The following SAV1 variants were observed in gnomAD, a reference collection of about 807,000 sequenced individuals.
The protein encoded by SAV1 is salvador family WW domain containing protein 1, also known as protein salvador homolog 1.
SAV1 carries 23 observed loss-of-function variants against 47.3 expected under a neutral mutation model. That is an observed-to-expected ratio of 0.49 (90% CI 0.35 to 0.69). The LOEUF (loss-of-function observed/expected upper bound fraction) is 0.69. Among genes scored for constraint, SAV1 ranks in the 30% least tolerant of loss-of-function variants. The probability of loss-of-function intolerance (pLI) is 0.01; values close to 1 mark genes in which losing one functional copy is unlikely to be tolerated. For synonymous variants in SAV1, 155 were observed against 159.2 expected, an observed-to-expected ratio of 0.97 and a Z score of 0.20; for missense variants, 448 against 457.4, an observed-to-expected ratio of 0.98 and a Z score of 0.19.
chr14:50,665,785 G>A (rs967539181), intron 1 of SAV1, among the ~76,000 whole-genome samples, 166 bp from the exon 2 acceptor site: 3 of 152,114 alleles, frequency 2.0e-5, no homozygotes, highest in African/African-American at 7.2e-5. Context: ...TTAAATTGAG[G>A]AAGATTAATA....
intron 2 of SAV1, among the ~76,000 whole-genome samples, chr14:50,661,378 C>T (rs117280266): frequency 6.6e-6 from 1 of 152,214 alleles, no homozygotes; most frequent in Non-Finnish European, 1.5e-5. Flanking sequence ...TTTGCAAACA[C>T]TTTCTCCTAT....
In SAV1 at chr14:50,665,609, A is replaced by G. The variant is rs759021887; in HGVS notation, c.105T>C (p.Pro35=). Residue 35 remains proline, a synonymous_variant, in exon 2 of 5, where the codon CCT becomes CCC. Transcript: ENST00000324679. ...TTGTTGGACCATGCCGGATGAATGA[A>G]GGCATAAGATCTACAATAAAACAAA... The part of the protein sequence containing the change: ...ETSPLLRNLM[P]SFIRHGPTIP... 3.7e-6 allele frequency: 6 copies of G among 1,602,926 alleles called. No homozygotes were observed. The highest frequency in any genetic ancestry group is 5.1e-6 in the Non-Finnish European group (6 of 1,174,600).
At chr14:50,638,890 C>A (rs1296898138) in intron 4 of SAV1, among the ~76,000 whole-genome samples, 1 of 152,170 alleles carries the variant, frequency 6.6e-6, no homozygotes, top group Non-Finnish European at 1.5e-5. Context: ...GCCTCAGCCT[C>A]CCGAGTAGCT....
chr14:50,649,494 A>G (rs538943886), intron 2 of SAV1, among the ~76,000 whole-genome samples: 1 of 152,356 alleles, frequency 6.6e-6, no homozygotes, highest in East Asian at 1.9e-4. Context: ...CAGAAACTGC[A>G]TAAATATTTT....
At chr14:50,640,175 AG>A (rs2039670061) in intron 4 of SAV1, among the ~76,000 whole-genome samples, 1 of 152,106 alleles carries the variant, frequency 6.6e-6, no homozygotes, top group Non-Finnish European at 1.5e-5. Flanking sequence ...ATAGAGACAG[AG>A]TCCTGCTATG....
intron 3 of SAV1, 83 bp downstream of exon 3, chr14:50,644,661 T>G: frequency 7.6e-7 from 1 of 1,308,840 alleles, no homozygotes; most frequent in Admixed American, 2.2e-5. Context: ...TAGGATGCTA[T>G]TCTCTTAGAT....
At position 50,667,817 on chromosome 14, in the gene SAV1, T is replaced by A. The variant is rs539859294; in HGVS notation, c.94+57A>T. Reference sequence around the variant, plus strand: ...AGACCCGCCGGCGCCCCCGCCAGGGTCCCCGGAGCACCTGGCCGCCTGGGC... The same window carrying A: ...AGACCCGCCGGCGCCCCCGCCAGGGACCCCGGAGCACCTGGCCGCCTGGGC... On this transcript the variant is annotated intron_variant, in intron 1 of 4. Transcript: ENST00000324679. The A allele has an allele frequency of 2.8e-5, 41 of 1,448,606 alleles. 2 individuals carry two copies. In the South Asian group the frequency reaches 4.7e-4, roughly 16 times the overall value. The allele number at this position is 1,448,606 out of a possible 1,614,324, so 89.7% of individuals were successfully genotyped here.
At chr14:50,664,203 T>A (rs1265914372) in intron 2 of SAV1, 1 of 152,166 alleles carries the variant, frequency 6.6e-6, no homozygotes, top group Non-Finnish European at 1.5e-5. Flanking sequence ...ACAAATAAGG[T>A]ACCAGAAAGC....
intron 1 of SAV1, among the ~76,000 whole-genome samples, chr14:50,665,894 T>C (rs780019571): frequency 2.6e-5 from 4 of 152,162 alleles, no homozygotes; most frequent in Non-Finnish European, 4.4e-5. Context: ...ATACATAATA[T>C]GATAAAATAT....
chr14:50,647,902 ACATATGCTTTT>A (rs2039735911), intron 2 of SAV1, among the ~76,000 whole-genome samples: 2 of 152,326 alleles, frequency 1.3e-5, no homozygotes, highest in African/African-American at 4.8e-5. Flanking sequence ...ATAAAGTTAA[ACATATGCTTTT>A]CATATGCTAC....
At chr14:50,667,818 C>G in intron 1 of SAV1, 56 bp downstream of exon 1, 1 of 1,485,498 alleles carries the variant, frequency 6.7e-7, no homozygotes, top group African/African-American at 1.4e-5. Context: ...CCGCCAGGGT[C>G]CCCGGAGCAC....
chr14:50,664,364 C>T (rs768385671), intron 2 of SAV1: 8 of 152,056 alleles, frequency 5.3e-5, no homozygotes, highest in Non-Finnish European at 8.8e-5. Context: ...ATCTGTCTCA[C>T]ATTTTATTTT....
rs141481487 is a variant in SAV1 at position 50,665,426 on chromosome 14, A to C, written c.288T>G (p.Pro96=). 3.8e-5 allele frequency: 62 copies of C among 1,613,184 alleles called. No individual in the cohort carries two copies. The highest frequency in any genetic ancestry group is 3.5e-4 in the Admixed American group (21 of 59,900). ...CTGCTAGACTTCTGGCAAGATAAGA[A>C]GGTGCAGATAATCTGTTGCTTTCTC... ...MRRESNRLSA[P]SYLARSLADV... Residue 96 remains proline, a synonymous_variant, in exon 2 of 5, where the codon CCT becomes CCG. Transcript: ENST00000324679.
At chr14:50,645,064 G>A in intron 2 of SAV1, 50 bp from the exon 3 acceptor site, 3 of 1,521,018 alleles carry the variant, frequency 2.0e-6, no homozygotes, top group Non-Finnish European at 2.6e-6. Context: ...ATTATTCAAT[G>A]CAAAAAATGT....
chr14:50,642,287 G>A (rs1212628244), intron 3 of SAV1, among the ~76,000 whole-genome samples: 1 of 151,976 alleles, frequency 6.6e-6, no homozygotes, highest in Non-Finnish European at 1.5e-5. Flanking sequence ...TCGGGAGTTC[G>A]AGACCAGCCT....
chr14:50,667,472 T>C (rs1484489825), intron 1 of SAV1: 1 of 457,854 alleles, frequency 2.2e-6, no homozygotes, highest in Admixed American at 2.3e-5. Context: ...CCCGCAATGT[T>C]TGCAAACATG....
rs2039607183 is a variant in SAV1 at position 50,633,748 on chromosome 14, T to C, written c.*1435A>G. On this transcript the variant is annotated 3_prime_UTR_variant, in exon 5 of 5. Coordinates refer to ENST00000324679, the MANE Select transcript of SAV1 (RefSeq NM_021818.4). ...CTGATATCTAACTGGGAGTAGTTTGTATTCTGGAAGACTTCCTAAGCTAAA... is the reference window on the plus strand; with the variant it reads ...CTGATATCTAACTGGGAGTAGTTTGCATTCTGGAAGACTTCCTAAGCTAAA... 1 of 152,750 alleles carries C rather than the reference T, an allele frequency of 6.5e-6. No individual in the cohort carries two copies. Among genetic ancestry groups the C allele is most frequent in the Non-Finnish European group, 1.5e-5 (1 of 68,120 alleles). The allele number at this position is 152,750 out of a possible 1,614,324, so 9.5% of individuals were successfully genotyped here.
chr14:50,640,138 A>G (rs939437008), intron 4 of SAV1, among the ~76,000 whole-genome samples: 1 of 152,154 alleles, frequency 6.6e-6, no homozygotes, highest in African/African-American at 2.4e-5. Flanking sequence ...CATACACCAC[A>G]GCATGCTGCT....
At chr14:50,641,113 T>C (rs2039678150) in intron 3 of SAV1, among the ~76,000 whole-genome samples, 1 of 152,152 alleles carries the variant, frequency 6.6e-6, no homozygotes, top group South Asian at 2.1e-4. Flanking sequence ...TGGAACTAAG[T>C]TTTAACCTTT....
Sources: allele counts gnomAD v4.1 joint callset (sites outside exome capture counted in the v4.1 genomes callset), GRCh38; gene constraint gnomAD v4.1.1; transcripts MANE v1.5; gene names NCBI Gene and HGNC (gene_info 2026-07-23, HGNC 2026-07-21).